The following ITGA8 variants were observed in gnomAD, a reference collection of about 807,000 sequenced individuals.
ITGA8 encodes the protein integrin subunit alpha 8, also known as integrin alpha-8.
In ITGA8, 91 loss-of-function variants were observed where a neutral mutation model predicts 142.3. The ratio of observed to expected loss-of-function variants is 0.64; its 90% CI spans 0.54 to 0.76. The LOEUF (loss-of-function observed/expected upper bound fraction) is 0.76, where lower values mean the gene tolerates loss of function less well. ITGA8 is among the 30% of genes least tolerant of loss of function. The probability of loss-of-function intolerance (pLI) is 0.00; values close to 1 mark genes in which losing one functional copy is unlikely to be tolerated. For missense variants in ITGA8, 1,406 were observed against 1,327.7 expected (o/e 1.06, Z -0.92); for synonymous variants, 505 against 485.2 (o/e 1.04, Z -0.54).
intron 11 of ITGA8, among the ~76,000 whole-genome samples, chr10:15,650,445 T>C (rs1327801366): frequency 6.6e-6 from 1 of 152,132 alleles, no homozygotes; most frequent in African/African-American, 2.4e-5. Flanking sequence ...AAAATGGGAC[T>C]TGTGGATTTA....
At chr10:15,533,824 A>G (rs1255931263) in intron 27 of ITGA8, among the ~76,000 whole-genome samples, 1 of 152,188 alleles carries the variant, frequency 6.6e-6, no homozygotes, top group Non-Finnish European at 1.5e-5. Context: ...TGTTTCTCTA[A>G]GGGAACTTTC....
At chr10:15,616,669 A>G in intron 13 of ITGA8, 110 bp from the exon 14 acceptor site, 2 of 859,078 alleles carry the variant, frequency 2.3e-6, no homozygotes, top group Non-Finnish European at 3.9e-6. Context: ...ATGGTACGAG[A>G]GCCACAAAAT....
chr10:15,560,111 C>T (rs1833948404), intron 25 of ITGA8, among the ~76,000 whole-genome samples: 2 of 151,872 alleles, frequency 1.3e-5, no homozygotes, highest in South Asian at 2.1e-4. Flanking sequence ...AGTGATACCT[C>T]ATTGCTAATT....
In ITGA8 at chr10:15,684,133, A is replaced by T; in HGVS notation, c.445-6T>A. On this transcript the variant is annotated splice_polypyrimidine_tract_variant and splice_region_variant and intron_variant, in intron 3 of 29. Coordinates refer to ENST00000378076, the MANE Select transcript of ITGA8 (RefSeq NM_003638.3). Reference sequence around the variant, plus strand: ...TGATATAAAGGAGCACAGGCCTAGGAAACATCAAAGACAAAAAAATACATT... The same window carrying T: ...TGATATAAAGGAGCACAGGCCTAGGTAACATCAAAGACAAAAAAATACATT... 1 of 1,603,882 alleles carries T rather than the reference A, an allele frequency of 6.2e-7. No homozygotes were observed. Among genetic ancestry groups the T allele is most frequent in the East Asian group, 2.2e-5 (1 of 44,848 alleles).
intron 29 of ITGA8, 47 bp from the exon 30 acceptor site, chr10:15,517,291 T>C (rs755811362): frequency 2.8e-5 from 35 of 1,264,572 alleles, no homozygotes; most frequent in Non-Finnish European, 3.8e-5. Context: ...TCTGGGAACC[T>C]GTGAAACCCC....
chr10:15,637,293 A>G (rs1833787956), intron 13 of ITGA8, among the ~76,000 whole-genome samples: 1 of 152,162 alleles, frequency 6.6e-6, no homozygotes, highest in African/African-American at 2.4e-5. Context: ...ATTCTGAGCC[A>G]TTTGACAGCA....
At chr10:15,556,044 T>TTTTAG (rs1833883481) in intron 26 of ITGA8, among the ~76,000 whole-genome samples, 1 of 132,952 alleles carries the variant, frequency 7.5e-6, no homozygotes, top group Admixed American at 7.5e-5. Context: ...TTTTTTTTTT[T>TTTTAG]GAGACCAAGT....
chr10:15,567,241 A>C (rs1370366474), intron 25 of ITGA8, among the ~76,000 whole-genome samples: 3 of 152,126 alleles, frequency 2.0e-5, no homozygotes, highest in African/African-American at 4.8e-5. Context: ...TTACTTTTTC[A>C]ACCTCATCTT....
At chr10:15,713,271 ACT>A (rs528543144) in intron 2 of ITGA8, among the ~76,000 whole-genome samples, 49 of 152,326 alleles carry the variant, frequency 3.2e-4, no homozygotes, top group Middle Eastern at 6.8e-3. Flanking sequence ...ACCTTTGATG[ACT>A]CAGTTGGATC....
intron 13 of ITGA8, among the ~76,000 whole-genome samples, chr10:15,635,003 CTTTT>C (rs915334219): frequency 9.3e-6 from 1 of 107,232 alleles, no homozygotes; most frequent in African/African-American, 3.5e-5. Context: ...TTCTTTCTTT[CTTTT>C]TTTTTTTTTT....
rs370644034 is a variant in ITGA8 at position 15,613,788 on chromosome 10, G to A, written c.1446-21C>T. On this transcript the variant is annotated intron_variant, in intron 14 of 29. Transcript: ENST00000378076. The stretch of plus-strand genomic sequence containing the variant: ...TTGCTCTGCGGGGAGAAAATGCAGG[G>A]TTTGTTTAAATAAAACACAAGGGTG... 14 of 1,562,548 alleles carry A rather than the reference G, an allele frequency of 9.0e-6. No homozygotes were observed. The African/African-American group carries it at 1.2e-4, about 14-fold the overall frequency.
chr10:15,593,799 T>C (rs1032682472), intron 21 of ITGA8, among the ~76,000 whole-genome samples: 1 of 152,046 alleles, frequency 6.6e-6, no homozygotes, highest in African/African-American at 2.4e-5. Flanking sequence ...ACAGCTGGTA[T>C]AGCTAGTATT....
chr10:15,616,708 C>G (rs1833399346), intron 13 of ITGA8, 149 bp from the exon 14 acceptor site: 1 of 692,204 alleles, frequency 1.4e-6, no homozygotes. Flanking sequence ...TTTCTTAAGG[C>G]ATTTTGGAAA....
At chr10:15,562,551 G>T (rs967617535) in intron 25 of ITGA8, among the ~76,000 whole-genome samples, 2 of 152,344 alleles carry the variant, frequency 1.3e-5, no homozygotes, top group African/African-American at 2.4e-5. Context: ...GTGGGATGGG[G>T]TAACTGTGTC....
At chr10:15,618,771 T>C (rs1833439720) in intron 13 of ITGA8, among the ~76,000 whole-genome samples, 1 of 152,230 alleles carries the variant, frequency 6.6e-6, no homozygotes, top group African/African-American at 2.4e-5. Context: ...TCTTCAGCTT[T>C]GGGACTCGGA....
intron 12 of ITGA8, among the ~76,000 whole-genome samples, chr10:15,644,697 A>C (rs1833945478): frequency 6.6e-6 from 1 of 151,100 alleles, no homozygotes; most frequent in African/African-American, 2.4e-5. Context: ...AAAAAGCAGT[A>C]TCGAAACTCT....
chr10:15,542,890 TCTGA>T (rs1348015472), intron 27 of ITGA8, among the ~76,000 whole-genome samples: 1 of 152,190 alleles, frequency 6.6e-6, no homozygotes, highest in Non-Finnish European at 1.5e-5. Flanking sequence ...TCAATAGTAA[TCTGA>T]CTATTTGCAG....
intron 8 of ITGA8, among the ~76,000 whole-genome samples, chr10:15,666,065 G>T (rs1173068951): frequency 6.6e-6 from 1 of 152,208 alleles, no homozygotes; most frequent in African/African-American, 2.4e-5. Context: ...AAAGTCATTG[G>T]TAGCTTGATG....
At chr10:15,558,404 A>G (rs1178760575) in intron 25 of ITGA8, among the ~76,000 whole-genome samples, 1 of 152,210 alleles carries the variant, frequency 6.6e-6, no homozygotes, top group Non-Finnish European at 1.5e-5. Context: ...CTTCAATGAC[A>G]GGAATTCACG....
Sources: allele counts gnomAD v4.1 joint callset (sites outside exome capture counted in the v4.1 genomes callset), GRCh38; gene constraint gnomAD v4.1.1; transcripts MANE v1.5; gene names NCBI Gene and HGNC (gene_info 2026-07-23, HGNC 2026-07-21).